Variants in GPAT3 observed in about 807,000 individuals in gnomAD.
GPAT3 encodes the protein 1-AGP acyltransferase 9.
In GPAT3, 53 loss-of-function variants were observed where a neutral mutation model predicts 58.8. The ratio of observed to expected loss-of-function variants is 0.90; its 90% confidence interval spans 0.72 to 1.13. The LOEUF (loss-of-function observed/expected upper bound fraction) is 1.13. Ranked by LOEUF, GPAT3 falls within the 50% of genes most tolerant of loss-of-function variation. GPAT3 has a pLI of 0.00. For synonymous variants in GPAT3, 197 were observed against 187.4 expected (o/e 1.05, Z -0.42); for missense variants, 511 against 527.6 (o/e 0.97, Z 0.31).
chr4:83,566,883 C>T (rs910460625), intron 2 of GPAT3, among the ~76,000 whole-genome samples: 1 of 149,716 alleles, frequency 6.7e-6, no homozygotes, highest in African/African-American at 2.5e-5. Context: ...CACATTTCCT[C>T]TTAGTTTTAT....
chr4:83,551,663 G>A (rs182126472), intron 2 of GPAT3, among the ~76,000 whole-genome samples: 58 of 151,772 alleles, frequency 3.8e-4, no homozygotes, highest in Admixed American at 2.2e-3. Flanking sequence ...GTGGTGGTGC[G>A]CCCCTATAGT....
intron 2 of GPAT3, among the ~76,000 whole-genome samples, chr4:83,577,597 T>C (rs1312096700): frequency 1.3e-5 from 2 of 152,202 alleles, no homozygotes; most frequent in Non-Finnish European, 2.9e-5. Context: ...TGAAGTGACC[T>C]ATTGTTGCAA....
intron 2 of GPAT3, among the ~76,000 whole-genome samples, chr4:83,560,332 T>G (rs1725085180): frequency 6.6e-6 from 1 of 152,220 alleles, no homozygotes; most frequent in African/African-American, 2.4e-5. Flanking sequence ...CGTTTCTCCC[T>G]GGGGTGGGTG....
intron 11 of GPAT3, 27 bp downstream of exon 11, chr4:83,598,750 A>ATTT: frequency 7.8e-6 from 2 of 256,744 alleles, no homozygotes; most frequent in South Asian, 5.6e-5. Context: ...AAGTACTATC[A>ATTT]CTTTTTTTTT....
chr4:83,549,186 T>G, intron 2 of GPAT3, among the ~76,000 whole-genome samples: 1 of 136,668 alleles, frequency 7.3e-6, no homozygotes. Flanking sequence ...AAAAAGAAAA[T>G]TGAGGAATAT....
chr4:83,575,267 T>A (rs554202582), intron 2 of GPAT3, among the ~76,000 whole-genome samples: 1 of 152,218 alleles, frequency 6.6e-6, no homozygotes, highest in Admixed American at 6.5e-5. Flanking sequence ...GTTCCCTATA[T>A]GTTGATTGAA....
chr4:83,579,034 CT>C (rs1232792428), intron 2 of GPAT3, among the ~76,000 whole-genome samples: 1 of 25,248 alleles, frequency 4.0e-5, no homozygotes, highest in African/African-American at 1.8e-4. Context: ...TTCTTTCTTT[CT>C]TTCTTTCTTT....
At chr4:83,576,058 G>C (rs1725801476) in intron 2 of GPAT3, among the ~76,000 whole-genome samples, 1 of 151,960 alleles carries the variant, frequency 6.6e-6, no homozygotes, top group Admixed American at 6.5e-5. Flanking sequence ...TTATTGTTTT[G>C]CATTATTCAA....
rs762312527 is a variant in GPAT3, at chr4:83,544,579, T to G, written c.185T>G (p.Ile62Ser). The G allele has an allele frequency of 3.3e-5, 54 of 1,613,828 alleles. No individual in the cohort carries two copies. The highest frequency in any genetic ancestry group is 4.6e-5 in the Non-Finnish European group (54 of 1,179,888). ...RIEKGTPKES[I>S]LKNSASVGII... ...GAAAAAGGAACCCCAAAGGAGTCGA[T>G]TCTTAAAAACTCTGCTTCTGTTGGT... The change falls in exon 2 of 12, where the codon ATT (isoleucine) becomes AGT (serine). Residue 62 changes from isoleucine (I) to serine (S), a missense_variant. By Grantham distance (142) the Ile-to-Ser change is moderately radical (BLOSUM62 -2). Coordinates refer to ENST00000264409, the MANE Select transcript of GPAT3 (RefSeq NM_032717.5).
intron 3 of GPAT3, among the ~76,000 whole-genome samples, chr4:83,585,778 G>T (rs1012274504): frequency 2.0e-5 from 3 of 152,022 alleles, no homozygotes; most frequent in Non-Finnish European, 2.9e-5. Context: ...ATAGAGACAG[G>T]GTTTCACCAT....
chr4:83,587,122 A>G, intron 3 of GPAT3, 133 bp from the exon 4 acceptor site: 1 of 691,518 alleles, frequency 1.4e-6, no homozygotes, highest in South Asian at 1.9e-5. Flanking sequence ...TTACCCAGTT[A>G]TTTTAGTGGC....
In GPAT3 at chr4:83,536,206, C is replaced by T. The variant is rs550776681; in HGVS notation, c.-417C>T. On this transcript the variant is annotated 5_prime_UTR_variant, in exon 1 of 12. Transcript: ENST00000264409. ...GGGAACCTGGCTCGGGGAGGGCCTC[C>T]GTGAGTCATCTGCTGAGTTGTCGCA... The T allele has an allele frequency of 5.1e-6, 5 of 988,996 alleles. No individual in the cohort carries two copies. The South Asian group carries it at 1.4e-4, about 28-fold the overall frequency. The allele number at this position is 988,996 out of a possible 1,614,324, so 61.3% of individuals were successfully genotyped here. A position where few individuals can be genotyped will look rare whatever the true frequency, so the allele number is the denominator to read the frequency against.
At chr4:83,603,790 C>CAAAAAAAA (rs58399873) in intron 11 of GPAT3, among the ~76,000 whole-genome samples, 2 of 120,664 alleles carry the variant, frequency 1.7e-5, no homozygotes, top group Non-Finnish European at 3.4e-5. Flanking sequence ...AACTCTGTCT[C>CAAAAAAAA]AAAAAAAAAA....
chr4:83,575,635 C>T (rs1725784662), intron 2 of GPAT3, among the ~76,000 whole-genome samples: 1 of 151,994 alleles, frequency 6.6e-6, no homozygotes, highest in South Asian at 2.1e-4. Flanking sequence ...AGGATGGTCT[C>T]GATCTCCTGA....
At chr4:83,564,791 T>C (rs1200307641) in intron 2 of GPAT3, among the ~76,000 whole-genome samples, 1 of 152,238 alleles carries the variant, frequency 6.6e-6, no homozygotes, top group Non-Finnish European at 1.5e-5. Context: ...CTGCTTATCA[T>C]ACTTCTTACT....
chr4:83,603,790 CAAA>C (rs58399873), intron 11 of GPAT3, among the ~76,000 whole-genome samples: 76,205 of 121,176 alleles, frequency 0.63, 21,225 homozygotes, highest in Middle Eastern at 0.75. Flanking sequence ...AACTCTGTCT[CAAA>C]AAAAAAAAAA....
intron 2 of GPAT3, among the ~76,000 whole-genome samples, chr4:83,577,109 A>G (rs1349411761): frequency 6.6e-6 from 1 of 152,228 alleles, no homozygotes; most frequent in East Asian, 1.9e-4. Context: ...AAAGTATACA[A>G]TCTGCATCTA....
chr4:83,539,527 G>T (rs771685063), intron 1 of GPAT3, among the ~76,000 whole-genome samples: 2 of 152,148 alleles, frequency 1.3e-5, no homozygotes, highest in South Asian at 2.1e-4. Context: ...TGTGTGTAGG[G>T]TACCCTCTAA....
At chr4:83,583,439 G>T (rs1726241536) in intron 3 of GPAT3, among the ~76,000 whole-genome samples, 1 of 152,102 alleles carries the variant, frequency 6.6e-6, no homozygotes, top group African/African-American at 2.4e-5. Flanking sequence ...GGAGGCTGAG[G>T]TGGGCAGATC....
Sources: allele counts gnomAD v4.1 joint callset (sites outside exome capture counted in the v4.1 genomes callset), GRCh38; gene constraint gnomAD v4.1.1; transcripts MANE v1.5; gene names NCBI Gene and HGNC (gene_info 2026-07-23, HGNC 2026-07-21).